Variants in CELSR1 observed in about 807,000 individuals in gnomAD.
CELSR1 encodes adhesion G protein-coupled receptor C1.
CELSR1 carries 110 observed loss-of-function variants against 249.1 expected under a neutral mutation model. The observed-to-expected ratio is 0.44, with a 90% confidence interval of 0.38 to 0.52. The LOEUF (loss-of-function observed/expected upper bound fraction) is 0.52. Ranked by LOEUF, CELSR1 falls within the 20% of genes least tolerant of loss-of-function variation. The probability of loss-of-function intolerance (pLI) is 0.00; values close to 1 mark genes in which losing one functional copy is unlikely to be tolerated. For missense variants in CELSR1, 4,109 were observed against 4,296.4 expected (o/e 0.96, Z 1.22); for synonymous variants, 2,113 against 1,900.0 (o/e 1.11, Z -2.92).
chr22:46,411,932 A>C lies in CELSR1; in HGVS notation c.4612-173T>G, dbSNP rs1260242685. ...CCAAACTAGCTGTGCTGGGCTGCTC[A>C]ATGCCCCCTCAAGTTCTGCTTCCCA... On this transcript the variant is annotated intron_variant, in intron 5 of 34. Transcript: ENST00000674500. This position sits in a 1 kb window ranked among gnomAD's most constrained non-coding sequence, Gnocchi z 4.2. Among the ~76,000 whole-genome samples, 1 of 152,324 alleles carries C rather than the reference A, an allele frequency of 6.6e-6. No individual in the cohort carries two copies. The highest frequency in any genetic ancestry group is 1.5e-5 in the Non-Finnish European group (1 of 68,028).
At position 46,364,612 on chromosome 22, in the gene CELSR1, G is replaced by A. The variant is rs367685212; in HGVS notation, c.8679C>T (p.His2893=). Residue 2893 remains histidine, a synonymous_variant, in exon 33 of 35, where the codon CAC becomes CAT. Transcript: ENST00000674500. ...CACGGTGACTGCCCTGCTCCTCGCG[G>A]TGCAGCTCCACGCTGACCTTGGTCT... ...KVETKVSVEL[H]REEQGSHRGE... is the part of the protein sequence containing the mutation. 9 of 1,612,578 alleles carry A rather than the reference G, an allele frequency of 5.6e-6. No individual in the cohort carries two copies. In the African/African-American group the frequency reaches 6.7e-5, roughly 12 times the overall value.
chr22:46,371,404 C>A (rs1250484303), intron 25 of CELSR1, among the ~76,000 whole-genome samples: 2 of 152,140 alleles, frequency 1.3e-5, no homozygotes, highest in African/African-American at 4.8e-5. Flanking sequence ...CAGGGATTAC[C>A]CAGGAAAAGG....
In CELSR1 at chr22:46,525,449, C is replaced by CAAA. The variant is rs10585540; in HGVS notation, c.3544+8175_3544+8177dup. 9.7e-3 allele frequency among the ~76,000 whole-genome samples: 1,420 copies of CAAA among 146,376 alleles called. 26 individuals carry two copies. Among genetic ancestry groups the CAAA allele is most frequent in the African/African-American group, 0.034 (1,371 of 39,790 alleles). On this transcript the variant is annotated intron_variant, in intron 1 of 34. Coordinates refer to ENST00000674500, the MANE Select transcript of CELSR1 (RefSeq NM_001378328.1). ...GGGCAACAAAAGCAAAACTCTGTCT[C>CAAA]AAAAAAAAAAAAAAGAGGGTTGTTT...
rs1158681138 is a variant in CELSR1, at chr22:46,445,292, G to A, written c.4184-5881C>T. Reference sequence around the variant, plus strand: ...GTGGATCACCTGAGGTCAGGAGTTCGAGACCAGCCTGGCCAATGTGACAAA... The same window carrying A: ...GTGGATCACCTGAGGTCAGGAGTTCAAGACCAGCCTGGCCAATGTGACAAA... On this transcript the variant is annotated intron_variant, in intron 2 of 34. Coordinates refer to ENST00000674500, the MANE Select transcript of CELSR1 (RefSeq NM_001378328.1). This position sits in a 1 kb window ranked among gnomAD's most constrained non-coding sequence, Gnocchi z 4.4. Among the ~76,000 whole-genome samples the A allele has an allele frequency of 6.6e-6, 1 of 152,074 alleles. No homozygotes were observed. The highest frequency in any genetic ancestry group is 1.5e-5 in the Non-Finnish European group (1 of 68,028).
intron 19 of CELSR1, among the ~76,000 whole-genome samples, chr22:46,384,917 A>G (rs2079016688): frequency 6.6e-6 from 1 of 151,402 alleles, no homozygotes; most frequent in Non-Finnish European, 1.5e-5. Context: ...CAGCCTCCCA[A>G]GTAGCTGGGA....
At chr22:46,515,825 T>G (rs1169535329) in intron 1 of CELSR1, among the ~76,000 whole-genome samples, 1 of 152,218 alleles carries the variant, frequency 6.6e-6, no homozygotes, top group Non-Finnish European at 1.5e-5. Flanking sequence ...TCTCCAGCAC[T>G]GACCAGCATC....
At position 46,508,202 on chromosome 22, in the gene CELSR1, C is replaced by T. The variant is rs967575567; in HGVS notation, c.3544+25425G>A. On this transcript the variant is annotated intron_variant, in intron 1 of 34. Coordinates refer to ENST00000674500, the MANE Select transcript of CELSR1 (RefSeq NM_001378328.1). ...CCCTCCCACCCACTCTCGCCACTCT[C>T]GCCCTGCCCTGGCCACAGAGGTGAA... 4.6e-5 allele frequency among the ~76,000 whole-genome samples: 7 copies of T among 151,964 alleles called. No individual in the cohort carries two copies. In the East Asian group the frequency reaches 5.8e-4, roughly 13 times the overall value.
Position 46,447,902 on chromosome 22 carries a change from G to C in CELSR1, c.4184-8491C>G, listed in dbSNP as rs759385423. On this transcript the variant is annotated intron_variant, in intron 2 of 34. Coordinates refer to ENST00000674500, the MANE Select transcript of CELSR1 (RefSeq NM_001378328.1). This position sits in a 1 kb window ranked among gnomAD's most constrained non-coding sequence, Gnocchi z 4.7. The stretch of plus-strand genomic sequence containing the variant: ...CCCAAAGTGCTGGGATTACAGGTGC[G>C]AGCCACCACACCCGGCCAGAAAAGC... 1.3e-5 allele frequency among the ~76,000 whole-genome samples: 2 copies of C among 152,100 alleles called. No individual in the cohort carries two copies. The highest frequency in any genetic ancestry group is 2.9e-5 in the Non-Finnish European group (2 of 68,014).
In CELSR1 at chr22:46,377,172, G is replaced by T. The variant is rs953990891; in HGVS notation, c.7473C>A (p.Ser2491Arg). 8 of 1,613,734 alleles carry T rather than the reference G, an allele frequency of 5.0e-6. No homozygotes were observed. Among genetic ancestry groups the T allele is most frequent in the Non-Finnish European group, 6.8e-6 (8 of 1,180,010 alleles). The change falls in exon 24 of 35, where the codon AGC becomes AGA. Residue 2491 changes from serine (S) to arginine (R), a missense_variant. Ser to Arg is a moderately radical substitution (Grantham distance 110). This residue lies in a region of CELSR1 where 1,805 missense variants were observed against 1,831.6 expected (regional missense o/e 0.99). Transcript: ENST00000674500. ...GGTTGGAGCGCAGCATGCGGACCAG[G>T]CTCAGGAGGACGAAGGCCACCAGCA... The part of the protein sequence containing the change: ...AALLVAFVLL[S>R]LVRMLRSNLH...
chr22:46,470,238 A>T (rs2080142585), intron 1 of CELSR1, among the ~76,000 whole-genome samples: 1 of 151,676 alleles, frequency 6.6e-6, no homozygotes, highest in Admixed American at 6.6e-5. Flanking sequence ...TTCTGGCCCA[A>T]TACGCAAAGG....
chr22:46,493,974 C>A (rs1331431626), intron 1 of CELSR1, among the ~76,000 whole-genome samples: 1 of 152,026 alleles, frequency 6.6e-6, no homozygotes, highest in African/African-American at 2.4e-5. Context: ...GAGATTGTAC[C>A]CAGCTAAGCA....
chr22:46,504,991 G>T (rs771384813), intron 1 of CELSR1, among the ~76,000 whole-genome samples: 2 of 152,206 alleles, frequency 1.3e-5, no homozygotes, highest in South Asian at 4.1e-4. Flanking sequence ...GGCCGGGTGC[G>T]GCGGCTCACG....
chr22:46,392,219 A>G (rs2079101243), intron 14 of CELSR1, among the ~76,000 whole-genome samples: 1 of 152,240 alleles, frequency 6.6e-6, no homozygotes, highest in Non-Finnish European at 1.5e-5. Flanking sequence ...CAGGGTGACA[A>G]TCAAGAGCTT....
chr22:46,396,884 G>A lies in CELSR1; in HGVS notation c.5702-138C>T. 1 of 1,199,918 alleles carries A rather than the reference G, an allele frequency of 8.3e-7. No individual in the cohort carries two copies. The highest frequency in any genetic ancestry group is 1.2e-6 in the Non-Finnish European group (1 of 857,012). 74.3% of individuals were successfully genotyped at this position (1,199,918 alleles called of 1,614,324 possible). The stretch of plus-strand genomic sequence containing the variant: ...CAGAGGGAAGAGGAAGAGTGCCACA[G>A]AGTCCCCGAAAACACAGCGTTAGGC... On this transcript the variant is annotated intron_variant, in intron 12 of 34. Coordinates refer to ENST00000674500, the MANE Select transcript of CELSR1 (RefSeq NM_001378328.1). The surrounding 1 kb of genome is among the most constrained non-coding windows in gnomAD (Gnocchi z 6.4).
chr22:46,422,843 G>C (rs923682726), intron 5 of CELSR1, among the ~76,000 whole-genome samples: 1 of 151,480 alleles, frequency 6.6e-6, no homozygotes, highest in Non-Finnish European at 1.5e-5. Context: ...AAGAACTCAA[G>C]TGCATGTAAG....
At chr22:46,477,354 C>A (rs1374695709) in intron 1 of CELSR1, among the ~76,000 whole-genome samples, 3 of 152,216 alleles carry the variant, frequency 2.0e-5, no homozygotes, top group East Asian at 3.8e-4. Context: ...CTCTGCTTTG[C>A]TTCAAGTCCT....
At position 46,439,611 on chromosome 22, in the gene CELSR1, G is replaced by A. The variant is rs191188773; in HGVS notation, c.4184-200C>T. Reference sequence around the variant, plus strand: ...ACTTGCCCAGAGCCGTGCCAGAGTCGGCTGCACCCAGCTCCTGGTGGGCAA... The same window carrying A: ...ACTTGCCCAGAGCCGTGCCAGAGTCAGCTGCACCCAGCTCCTGGTGGGCAA... On this transcript the variant is annotated intron_variant, in intron 2 of 34. Transcript: ENST00000674500. Among the ~76,000 whole-genome samples, 6 of 152,142 alleles carry A rather than the reference G, an allele frequency of 3.9e-5. No homozygotes were observed. The East Asian group carries it at 9.7e-4, about 24-fold the overall frequency.
intron 5 of CELSR1, among the ~76,000 whole-genome samples, chr22:46,422,272 AT>A (rs1246172460): frequency 1.3e-5 from 2 of 151,706 alleles, no homozygotes. Context: ...CGCCCGGCTA[AT>A]TTTTTTGTAT....
chr22:46,374,415 G>T lies in CELSR1; in HGVS notation c.7585-1358C>A, dbSNP rs1471417563. Among the ~76,000 whole-genome samples, 1 of 152,190 alleles carries T rather than the reference G, an allele frequency of 6.6e-6. No homozygotes were observed. Among genetic ancestry groups the T allele is most frequent in the East Asian group, 1.9e-4 (1 of 5,200 alleles). On this transcript the variant is annotated intron_variant, in intron 24 of 34. Coordinates refer to ENST00000674500, the MANE Select transcript of CELSR1 (RefSeq NM_001378328.1). This position sits in a 1 kb window ranked among gnomAD's most constrained non-coding sequence, Gnocchi z 4.3. ...CCAGAAATAGAACAAAGACAAAAGC[G>T]GATGCATAATAAATCATTTCAGCCT...
Sources: gnomAD v4.1 joint callset for allele counts (sites outside exome capture counted in the v4.1 genomes callset) on GRCh38, gnomAD v4.1.1 for gene constraint, gnomAD v4.1.1 regional missense constraint, Gnocchi (gnomAD v3.1) non-coding constraint, MANE v1.5 for transcripts, NCBI Gene and HGNC (gene_info 2026-07-23, HGNC 2026-07-21) for gene names.